VPS13B: variants seen among roughly 807,000 people sequenced by gnomAD.
VPS13B encodes the protein vacuolar protein sorting 13 homolog B.
Under a neutral mutation model 426.4 loss-of-function variants are expected in VPS13B, and 285 were observed. The observed-to-expected ratio is 0.67, with a 90% confidence interval of 0.61 to 0.74. VPS13B has a LOEUF of 0.74. VPS13B is among the 30% of genes least tolerant of loss of function. The pLI is 0.00. For synonymous variants in VPS13B, 1,676 were observed against 1,676.4 expected (o/e 1.00, Z 0.01); for missense variants, 4,537 against 4,782.6 (o/e 0.95, Z 1.51).
intron 21 of VPS13B, among the ~76,000 whole-genome samples, chr8:99,413,084 G>A (rs1815783461): frequency 6.6e-6 from 1 of 152,172 alleles, no homozygotes; most frequent in Non-Finnish European, 1.5e-5. Flanking sequence ...AAATGAGTTA[G>A]GAAGGAGTCC....
At chr8:99,280,740 T>C (rs1819130164) in intron 19 of VPS13B, among the ~76,000 whole-genome samples, 1 of 152,210 alleles carries the variant, frequency 6.6e-6, no homozygotes, top group South Asian at 2.1e-4. Context: ...TTAGATTATT[T>C]ATTCACTGGA....
At chr8:99,610,553 C>T (rs967049170) in intron 33 of VPS13B, among the ~76,000 whole-genome samples, 65 of 138,338 alleles carry the variant, frequency 4.7e-4, no homozygotes, top group African/African-American at 1.7e-3. Flanking sequence ...CACATGGACT[C>T]GGGGAGGGGA....
At chr8:99,365,743 C>T (rs1437874024) in intron 19 of VPS13B, among the ~76,000 whole-genome samples, 3 of 151,988 alleles carry the variant, frequency 2.0e-5, no homozygotes. Context: ...TCTCGAAATC[C>T]TGACCTTGTG....
intron 19 of VPS13B, among the ~76,000 whole-genome samples, chr8:99,318,552 C>T (rs1189883617): frequency 6.6e-6 from 1 of 152,064 alleles, no homozygotes; most frequent in African/African-American, 2.4e-5. Flanking sequence ...TGGAGTCTCG[C>T]TCTGTTACCC....
At chr8:99,257,561 T>TACAC (rs34558672) in intron 17 of VPS13B, among the ~76,000 whole-genome samples, 13 of 150,934 alleles carry the variant, frequency 8.6e-5, no homozygotes, top group Admixed American at 2.0e-4. Flanking sequence ...TGCATGTGTG[T>TACAC]ACACACACAC....
chr8:99,724,779 C>T (rs1437906446), intron 39 of VPS13B, among the ~76,000 whole-genome samples: 1 of 152,176 alleles, frequency 6.6e-6, no homozygotes, highest in African/African-American at 2.4e-5. Context: ...GTATCTCTTC[C>T]TTCCAGCCTG....
chr8:99,383,217 T>C (rs1230386034), intron 19 of VPS13B, among the ~76,000 whole-genome samples: 1 of 152,216 alleles, frequency 6.6e-6, no homozygotes, highest in Non-Finnish European at 1.5e-5. Flanking sequence ...CTTTGTGTTT[T>C]ATGTCAGAAT....
intron 17 of VPS13B, among the ~76,000 whole-genome samples, chr8:99,267,841 G>A (rs919388440): frequency 6.6e-6 from 1 of 152,170 alleles, no homozygotes; most frequent in African/African-American, 2.4e-5. Context: ...AGACAATGGG[G>A]AAAATGTCTC....
intron 36 of VPS13B, among the ~76,000 whole-genome samples, chr8:99,704,626 G>A (rs1832423485): frequency 6.6e-6 from 1 of 152,114 alleles, no homozygotes. Flanking sequence ...AAAGCCAGAG[G>A]ACAAACTTAA....
chr8:99,370,878 G>A (rs1006585215), intron 19 of VPS13B, among the ~76,000 whole-genome samples: 7 of 151,962 alleles, frequency 4.6e-5, no homozygotes, highest in Non-Finnish European at 7.4e-5. Context: ...CCAAAGTGCT[G>A]GGATTACAGA....
At chr8:99,647,964 G>T (rs1002515819) in intron 34 of VPS13B, among the ~76,000 whole-genome samples, 11 of 152,172 alleles carry the variant, frequency 7.2e-5, no homozygotes, top group African/African-American at 2.4e-5. Flanking sequence ...AATCCTTTGA[G>T]TGTTGTAGGA....
intron 21 of VPS13B, among the ~76,000 whole-genome samples, chr8:99,411,956 G>A (rs1050225333): frequency 2.6e-5 from 4 of 152,178 alleles, no homozygotes; most frequent in Non-Finnish European, 5.9e-5. Context: ...CTGTAGCCTT[G>A]TAGGATAGTT....
intron 19 of VPS13B, among the ~76,000 whole-genome samples, chr8:99,298,709 AGAGGTTAGACTTT>A (rs1820180181): frequency 6.6e-6 from 1 of 152,210 alleles, no homozygotes; most frequent in African/African-American, 2.4e-5. Flanking sequence ...TTTAAGAGAA[AGAGGTTAGACTTT>A]GGAGTCAGGC....
intron 32 of VPS13B, among the ~76,000 whole-genome samples, chr8:99,576,077 T>A (rs1000343857): frequency 6.6e-6 from 1 of 152,220 alleles, no homozygotes; most frequent in Non-Finnish European, 1.5e-5. Context: ...CAGATTGTTA[T>A]GCATACCTTA....
intron 29 of VPS13B, among the ~76,000 whole-genome samples, chr8:99,517,656 C>A (rs1360680517): frequency 6.6e-6 from 1 of 152,034 alleles, no homozygotes; most frequent in East Asian, 1.9e-4. Context: ...CTTTTTATTT[C>A]ACAATAGATG....
chr8:99,100,713 A>T (rs149252187), intron 4 of VPS13B, among the ~76,000 whole-genome samples: 1 of 152,320 alleles, frequency 6.6e-6, no homozygotes, highest in Non-Finnish European at 1.5e-5. Context: ...TGTTTTAAAG[A>T]TAATAAAAAC....
rs116895409 is a variant in VPS13B, at chr8:99,657,149, C to T, written c.5909-4205C>T. The stretch of plus-strand genomic sequence containing the variant: ...TGTGTCTCCTATTAAGTCATCTCCC[C>T]CTGTAATTGCCCAGAGTAGACTCCT... On this transcript the variant is annotated intron_variant, in intron 34 of 61. Coordinates refer to ENST00000357162, the MANE Select transcript of VPS13B (RefSeq NM_152564.5). Among the ~76,000 whole-genome samples, 169 of 152,184 alleles carry T rather than the reference C, an allele frequency of 1.1e-3. 5 individuals carry two copies. In the East Asian group the frequency reaches 0.022, roughly 19 times the overall value.
At chr8:99,210,525 A>G (rs1168658678) in intron 17 of VPS13B, among the ~76,000 whole-genome samples, 1 of 152,198 alleles carries the variant, frequency 6.6e-6, no homozygotes, top group Non-Finnish European at 1.5e-5. Context: ...TGTTAGACAT[A>G]GAACATTCTC....
intron 51 of VPS13B, among the ~76,000 whole-genome samples, chr8:99,830,539 C>G (rs934072590): frequency 2.6e-5 from 4 of 152,158 alleles, no homozygotes; most frequent in Admixed American, 2.6e-4. Flanking sequence ...GCTGGGCTCC[C>G]TGGGGGTGGG....
Sources: allele counts gnomAD v4.1 joint callset (sites outside exome capture counted in the v4.1 genomes callset), GRCh38; gene constraint gnomAD v4.1.1; transcripts MANE v1.5; gene names NCBI Gene and HGNC (gene_info 2026-07-23, HGNC 2026-07-21).